Variants in SLC9A3 observed in about 807,000 individuals in gnomAD.
SLC9A3 encodes sodium/hydrogen exchanger 3.
In SLC9A3, 37 loss-of-function variants were observed where a neutral mutation model predicts 86.8. The observed-to-expected ratio is 0.43, with a 90% CI of 0.33 to 0.56. SLC9A3 has a LOEUF of 0.56. Ranked by LOEUF, SLC9A3 falls within the 20% of genes least tolerant of loss-of-function variation. The pLI is 0.06. For synonymous variants in SLC9A3, 581 were observed against 528.3 expected (o/e 1.10, Z -1.37); for missense variants, 1,011 against 1,171.9 (o/e 0.86, Z 2.00).
At chr5:479,645 C>G in intron 10 of SLC9A3, 191 bp downstream of exon 10, 1 of 589,980 alleles carries the variant, frequency 1.7e-6, no homozygotes, top group Non-Finnish European at 3.0e-6. Context: ...GACTCTGTGA[C>G]TCAGTTTACC....
At chr5:507,554 C>G (rs966450903) in intron 1 of SLC9A3, among the ~76,000 whole-genome samples, 1 of 151,730 alleles carries the variant, frequency 6.6e-6, no homozygotes, top group East Asian at 1.9e-4. Context: ...TGTGAGCCAC[C>G]GCGCCCATTC....
Position 496,160 on chromosome 5 carries a change from G to A in SLC9A3, c.212-4089C>T, listed in dbSNP as rs555399660. On this transcript the variant is annotated intron_variant, in intron 1 of 16. Coordinates refer to ENST00000264938, the MANE Select transcript of SLC9A3 (RefSeq NM_004174.4). This position sits in a 1 kb window ranked among gnomAD's most constrained non-coding sequence, Gnocchi z 4.7. ...ACAAACGCCGCATAGGTGGGAGGGCGGCGGTTTGGAACATTCTGCCATCCG... is the reference window on the plus strand; with the variant it reads ...ACAAACGCCGCATAGGTGGGAGGGCAGCGGTTTGGAACATTCTGCCATCCG... 2.2e-4 allele frequency among the ~76,000 whole-genome samples: 34 copies of A among 152,236 alleles called. No individual in the cohort carries two copies. The highest frequency in any genetic ancestry group is 3.4e-4 in the Non-Finnish European group (23 of 68,032).
Position 511,420 on chromosome 5 carries a change from A to C in SLC9A3, c.211+12692T>G, listed in dbSNP as rs569326310. On this transcript the variant is annotated intron_variant, in intron 1 of 16. Transcript: ENST00000264938. ...ATATCTCCTAAAGAGTTTATCATTCAAACATACAAAGGACTCTAAAAACTC... is the reference window on the plus strand; with the variant it reads ...ATATCTCCTAAAGAGTTTATCATTCCAACATACAAAGGACTCTAAAAACTC... 3.3e-5 allele frequency among the ~76,000 whole-genome samples: 5 copies of C among 152,368 alleles called. No individual in the cohort carries two copies. The South Asian group carries it at 1.0e-3, about 32-fold the overall frequency.
In SLC9A3 at chr5:473,251, C is replaced by G; in HGVS notation, c.*128G>C. On this transcript the variant is annotated 3_prime_UTR_variant, in exon 17 of 17. Transcript: ENST00000264938. The stretch of plus-strand genomic sequence containing the variant: ...TGCGCAGGCGCTGGCGTGGGCGAGG[C>G]GGGGCTCGGGGCTCGCGGTCGCTGT... The G allele has an allele frequency of 1.9e-6, 2 of 1,033,812 alleles. No individual in the cohort carries two copies. The highest frequency in any genetic ancestry group is 2.5e-6 in the Non-Finnish European group (2 of 807,118). 64.0% of individuals were successfully genotyped at this position (1,033,812 alleles called of 1,614,324 possible). A position where few individuals can be genotyped will look rare whatever the true frequency, so the allele number is the denominator to read the frequency against.
At chr5:494,264 C>A (rs1384428028) in intron 1 of SLC9A3, among the ~76,000 whole-genome samples, 1 of 152,234 alleles carries the variant, frequency 6.6e-6, no homozygotes, top group Non-Finnish European at 1.5e-5. Context: ...GGCTGGCAGC[C>A]CAGCAGGAAA....
In SLC9A3 at chr5:475,429, C is replaced by G. The variant is rs543745204; in HGVS notation, c.2251+132G>C. ...GAGGGGGCACTCAGTGGGTGCCAAG[C>G]AGGGCCCTTGAGAACCCACAGGAGA... On this transcript the variant is annotated intron_variant, in intron 15 of 16. Coordinates refer to ENST00000264938, the MANE Select transcript of SLC9A3 (RefSeq NM_004174.4). The G allele has an allele frequency of 4.6e-6, 3 of 647,266 alleles. No homozygotes were observed. In the South Asian group the frequency reaches 5.5e-5, roughly 12 times the overall value. 40.1% of individuals were successfully genotyped at this position (647,266 alleles called of 1,614,324 possible).
At chr5:482,251 G>A (rs1306327479) in intron 7 of SLC9A3, 94 bp from the exon 8 acceptor site, 9 of 929,242 alleles carry the variant, frequency 9.7e-6, no homozygotes, top group African/African-American at 8.3e-5. Context: ...CTGCCCCGGG[G>A]CCCACAGGCG....
chr5:475,069 G>A lies in SLC9A3; in HGVS notation c.2315C>T (p.Pro772Leu). The A allele has an allele frequency of 6.2e-7, 1 of 1,611,994 alleles. No homozygotes were observed. Among genetic ancestry groups the A allele is most frequent in the Non-Finnish European group, 8.5e-7 (1 of 1,179,544 alleles). ...CGTCTCCCCGGGAGACAGCCAGGGC[G>A]GCAGCCTGGCCAGGAGGCTGCGGTC... ...ALDRSLLARLPPWLSPGETVV... is the reference protein window; with the variant it reads ...ALDRSLLARLLPWLSPGETVV... Residue 772 changes from proline (P) to leucine (L), a missense_variant, in exon 16 of 17, where the codon CCG becomes CTG. Transcript: ENST00000264938.
intron 1 of SLC9A3, among the ~76,000 whole-genome samples, chr5:523,045 T>G (rs1174192884): frequency 2.0e-5 from 3 of 151,996 alleles, no homozygotes; most frequent in Non-Finnish European, 4.4e-5. Flanking sequence ...AGGAGGAGGC[T>G]GCGGAGAAGG....
chr5:517,264 T>TACA, intron 1 of SLC9A3, among the ~76,000 whole-genome samples: 1 of 57,556 alleles, frequency 1.7e-5, no homozygotes. Flanking sequence ...CACTCACTCA[T>TACA]TCATCCATCC....
rs973255685 is a variant in SLC9A3 at position 491,329 on chromosome 5, G to A, written c.514+440C>T. Among the ~76,000 whole-genome samples the A allele has an allele frequency of 1.8e-4, 27 of 152,194 alleles. No homozygotes were observed. Among genetic ancestry groups the A allele is most frequent in the African/African-American group, 4.6e-4 (19 of 41,442 alleles). Reference sequence around the variant, plus strand: ...AGATGAAGCATCCAAGACCAAAACCGCGCAGCAGTTCTGGCTCCGGCTGTG... The same window carrying A: ...AGATGAAGCATCCAAGACCAAAACCACGCAGCAGTTCTGGCTCCGGCTGTG... On this transcript the variant is annotated intron_variant, in intron 2 of 16. Coordinates refer to ENST00000264938, the MANE Select transcript of SLC9A3 (RefSeq NM_004174.4). The surrounding 1 kb of genome is among the most constrained non-coding windows in gnomAD (Gnocchi z 9.2).
At chr5:499,855 T>A (rs1232334938) in intron 1 of SLC9A3, among the ~76,000 whole-genome samples, 2 of 152,190 alleles carry the variant, frequency 1.3e-5, no homozygotes, top group African/African-American at 2.4e-5. Flanking sequence ...GTCCAGCCCC[T>A]CTGTAGGGGC....
chr5:486,737 G>A (rs1203284670), intron 3 of SLC9A3, among the ~76,000 whole-genome samples: 4 of 152,206 alleles, frequency 2.6e-5, no homozygotes, highest in African/African-American at 9.7e-5. Flanking sequence ...AATAGGACCC[G>A]TGTCCCTGTG....
chr5:504,896 ACCCGGACG>A (rs1740475888), intron 1 of SLC9A3, among the ~76,000 whole-genome samples: 1 of 148,540 alleles, frequency 6.7e-6, no homozygotes, highest in Admixed American at 6.8e-5. Flanking sequence ...TGGCTCCCAG[ACCCGGACG>A]CCTGTGCCTG....
chr5:470,965 A>C lies in SLC9A3; in HGVS notation c.*2414T>G. 1 of 152,342 alleles carries C rather than the reference A, an allele frequency of 6.6e-6. No individual in the cohort carries two copies. Among genetic ancestry groups the C allele is most frequent in the Non-Finnish European group, 1.5e-5 (1 of 68,038 alleles). 9.4% of individuals were successfully genotyped at this position (152,342 alleles called of 1,614,324 possible). On this transcript the variant is annotated 3_prime_UTR_variant, in exon 17 of 17. Transcript: ENST00000264938. ...TGACAGCAGTGACAGGAACGTGGGG[A>C]TCCCCACTCATGACGAGTCCCTAGC...
intron 1 of SLC9A3, among the ~76,000 whole-genome samples, chr5:503,361 C>A (rs967512572): frequency 2.0e-5 from 3 of 152,202 alleles, no homozygotes; most frequent in African/African-American, 7.2e-5. Flanking sequence ...CACAGCAAAA[C>A]CCCTTCTCGA....
intron 3 of SLC9A3, 132 bp downstream of exon 3, chr5:488,184 C>CG: frequency 1.0e-6 from 1 of 963,932 alleles, no homozygotes; most frequent in Non-Finnish European, 1.6e-6. Flanking sequence ...GGTGGAGGGA[C>CG]GGGACGCCCC....
Position 494,834 on chromosome 5 carries a change from C to T in SLC9A3, c.212-2763G>A, listed in dbSNP as rs537538895. ...GGTGACCCCCTGGAGGCTGCCCAGC[C>T]GCTGGCAAGACCCACCCAGGCCGCT... On this transcript the variant is annotated intron_variant, in intron 1 of 16. Coordinates refer to ENST00000264938, the MANE Select transcript of SLC9A3 (RefSeq NM_004174.4). Among the ~76,000 whole-genome samples, 50 of 152,320 alleles carry T rather than the reference C, an allele frequency of 3.3e-4. No homozygotes were observed. The South Asian group carries it at 9.9e-3, about 30-fold the overall frequency.
rs1740071057 is a variant in SLC9A3, at chr5:497,371, C to T, written c.212-5300G>A. On this transcript the variant is annotated intron_variant, in intron 1 of 16. Transcript: ENST00000264938. This position sits in a 1 kb window ranked among gnomAD's most constrained non-coding sequence, Gnocchi z 5.4. ...GTTTCTCTGCTCCCGGGTCTCAAAT[C>T]CGGGTTCTTCCCTTGACAGCTGGCG... Among the ~76,000 whole-genome samples, 1 of 152,188 alleles carries T rather than the reference C, an allele frequency of 6.6e-6. No individual in the cohort carries two copies. Among genetic ancestry groups the T allele is most frequent in the Admixed American group, 6.5e-5 (1 of 15,284 alleles).
Sources: gnomAD v4.1 joint callset for allele counts (sites outside exome capture counted in the v4.1 genomes callset) on GRCh38, gnomAD v4.1.1 for gene constraint, Gnocchi (gnomAD v3.1) non-coding constraint, MANE v1.5 for transcripts, NCBI Gene and HGNC (gene_info 2026-07-23, HGNC 2026-07-21) for gene names.